The following SLC35F3 variants were observed in gnomAD, a reference collection of about 807,000 sequenced individuals.
The protein encoded by SLC35F3 is putative thiamine transporter SLC35F3.
Under a neutral mutation model 49.9 loss-of-function variants are expected in SLC35F3, and 25 were observed. The ratio of observed to expected loss-of-function variants is 0.50; its 90% CI spans 0.37 to 0.70. The LOEUF (loss-of-function observed/expected upper bound fraction) is 0.70, where lower values mean the gene tolerates loss of function less well. Among genes scored for constraint, SLC35F3 ranks in the 30% least tolerant of loss-of-function variants. The pLI, the probability that SLC35F3 is intolerant of heterozygous loss-of-function variation, is 0.00. For synonymous variants in SLC35F3, 275 were observed against 265.4 expected (o/e 1.04, Z -0.35); for missense variants, 525 against 639.8 (o/e 0.82, Z 1.94).
In SLC35F3 at chr1:234,152,260, A is replaced by G. The variant is rs548940733; in HGVS notation, c.284-79157A>G. Among the ~76,000 whole-genome samples, 1,102 of 149,794 alleles carry G rather than the reference A, an allele frequency of 7.4e-3. 20 individuals carry two copies. Among genetic ancestry groups the G allele is most frequent in the African/African-American group, 0.025 (993 of 40,412 alleles). On this transcript the variant is annotated intron_variant, in intron 2 of 7. Transcript: ENST00000366618. ...TATTATTATTATTATTATACTTTAA[A>G]TTCTGGGATACATGTGCAGAACGTG...
rs1436838909 is a variant in SLC35F3 at position 234,140,157 on chromosome 1, C to T, written c.284-91260C>T. Among the ~76,000 whole-genome samples the T allele has an allele frequency of 7.3e-5, 11 of 151,670 alleles. No homozygotes were observed. In the East Asian group the frequency reaches 1.7e-3, roughly 24 times the overall value. On this transcript the variant is annotated intron_variant, in intron 2 of 7. Coordinates refer to ENST00000366618, the MANE Select transcript of SLC35F3 (RefSeq NM_173508.4). The stretch of plus-strand genomic sequence containing the variant: ...CTGGGCAGGATGGCAGAGATCCTCT[C>T]GCACTACTCAGAACAGAGCACAATT...
At chr1:234,129,595 T>C (rs1400021769) in intron 2 of SLC35F3, among the ~76,000 whole-genome samples, 3 of 152,176 alleles carry the variant, frequency 2.0e-5, no homozygotes, top group African/African-American at 7.2e-5. Flanking sequence ...AGATTCTGAA[T>C]TGAATGTGGA....
At position 234,235,590 on chromosome 1, in the gene SLC35F3, G is replaced by A. The variant is rs527384753; in HGVS notation, c.608+3849G>A. Among the ~76,000 whole-genome samples, 7 of 152,346 alleles carry A rather than the reference G, an allele frequency of 4.6e-5. No homozygotes were observed. The South Asian group carries it at 1.2e-3, about 27-fold the overall frequency. The stretch of plus-strand genomic sequence containing the variant: ...TGGGGCATTTTCAGTCTTGTCCAAA[G>A]GTCTTCCAGGAATTTGCAGCAGTAA... On this transcript the variant is annotated intron_variant, in intron 3 of 7. Coordinates refer to ENST00000366618, the MANE Select transcript of SLC35F3 (RefSeq NM_173508.4).
chr1:234,086,767 T>G (rs1045024719), intron 2 of SLC35F3, among the ~76,000 whole-genome samples: 3 of 152,172 alleles, frequency 2.0e-5, no homozygotes, highest in African/African-American at 7.2e-5. Flanking sequence ...TTCAGGAGGA[T>G]GATGATGTTT....
chr1:234,080,872 C>T (rs925991947), intron 2 of SLC35F3, among the ~76,000 whole-genome samples: 2 of 152,146 alleles, frequency 1.3e-5, no homozygotes, highest in Non-Finnish European at 2.9e-5. Flanking sequence ...ATTCTACAAA[C>T]CAGTGAATCG....
chr1:234,075,539 T>C (rs970255426), intron 2 of SLC35F3, among the ~76,000 whole-genome samples: 3 of 152,238 alleles, frequency 2.0e-5, no homozygotes, highest in Non-Finnish European at 2.9e-5. Context: ...AGATAAAATG[T>C]GTGGGAAGCA....
rs1459100685 is a variant in SLC35F3 at position 234,202,297 on chromosome 1, T to TA, written c.284-29115dup. Reference sequence around the variant, plus strand: ...AATAAAATAAAATAAAACCTTTTTTTAAAAAGGTGTGTGCAAATGCTCAGG... The same window carrying TA: ...AATAAAATAAAATAAAACCTTTTTTTAAAAAAGGTGTGTGCAAATGCTCAGG... On this transcript the variant is annotated intron_variant, in intron 2 of 7. Transcript: ENST00000366618. Among the ~76,000 whole-genome samples the TA allele has an allele frequency of 2.0e-5, 3 of 151,738 alleles. No homozygotes were observed. In the East Asian group the frequency reaches 5.8e-4, roughly 29 times the overall value.
chr1:234,102,183 TG>T (rs1242347288), intron 2 of SLC35F3, among the ~76,000 whole-genome samples: 5 of 152,222 alleles, frequency 3.3e-5, no homozygotes, highest in Admixed American at 6.5e-5. Flanking sequence ...TTTCATCCCC[TG>T]GGACCTCTTT....
At chr1:234,172,160 G>A (rs1437001169) in intron 2 of SLC35F3, among the ~76,000 whole-genome samples, 1 of 152,152 alleles carries the variant, frequency 6.6e-6, no homozygotes, top group Non-Finnish European at 1.5e-5. Flanking sequence ...CTTCTAGCTA[G>A]TCCCTAAGCT....
intron 2 of SLC35F3, among the ~76,000 whole-genome samples, chr1:234,111,990 C>A (rs1025734986): frequency 6.6e-6 from 1 of 152,022 alleles, no homozygotes; most frequent in Non-Finnish European, 1.5e-5. Flanking sequence ...TAAATGCAGG[C>A]CATGCTTTCG....
chr1:234,259,369 A>G (rs954846549), intron 3 of SLC35F3, among the ~76,000 whole-genome samples: 2 of 152,232 alleles, frequency 1.3e-5, no homozygotes, highest in East Asian at 3.8e-4. Flanking sequence ...ATCAACAATA[A>G]TAAGAAAGAA....
At chr1:233,979,079 CAAAAAA>C (rs1185716025) in intron 2 of SLC35F3, among the ~76,000 whole-genome samples, 68 of 149,036 alleles carry the variant, frequency 4.6e-4, no homozygotes, top group Non-Finnish European at 3.9e-4. Context: ...AACAAAAAAA[CAAAAAA>C]GAAAAAGAAA....
intron 2 of SLC35F3, among the ~76,000 whole-genome samples, chr1:233,972,495 T>G (rs777288186): frequency 2.5e-4 from 38 of 152,304 alleles, no homozygotes; most frequent in African/African-American, 4.6e-4. Flanking sequence ...GCAGTGTGAC[T>G]CCTCTCTGTG....
At chr1:234,126,760 A>G (rs982890321) in intron 2 of SLC35F3, among the ~76,000 whole-genome samples, 18 of 152,110 alleles carry the variant, frequency 1.2e-4, no homozygotes, top group African/African-American at 4.3e-4. Context: ...CAGAAGCACA[A>G]TCATAGCTCA....
intron 2 of SLC35F3, among the ~76,000 whole-genome samples, chr1:234,059,616 C>CTACACA (rs1553301510): frequency 1.3e-4 from 18 of 135,362 alleles, no homozygotes; most frequent in African/African-American, 4.4e-4. Flanking sequence ...TAGACATAGA[C>CTACACA]TAGACATAGA....
intron 2 of SLC35F3, among the ~76,000 whole-genome samples, chr1:234,078,107 C>G (rs1664824052): frequency 6.6e-6 from 1 of 152,220 alleles, no homozygotes; most frequent in South Asian, 2.1e-4. Flanking sequence ...CAACTTTCAA[C>G]AAGTCTTGTG....
At chr1:234,265,755 G>A (rs1667969137) in intron 3 of SLC35F3, among the ~76,000 whole-genome samples, 1 of 151,970 alleles carries the variant, frequency 6.6e-6, no homozygotes. Flanking sequence ...CCCCTGTAGT[G>A]CCCCCACCAC....
chr1:233,933,695 G>A (rs998776228), intron 2 of SLC35F3, among the ~76,000 whole-genome samples: 2 of 152,168 alleles, frequency 1.3e-5, no homozygotes, highest in African/African-American at 2.4e-5. Flanking sequence ...TAATAAGTTA[G>A]TTGGGTGTGG....
chr1:234,263,799 C>G (rs1199380331), intron 3 of SLC35F3, among the ~76,000 whole-genome samples: 1 of 152,136 alleles, frequency 6.6e-6, no homozygotes, highest in Non-Finnish European at 1.5e-5. Flanking sequence ...ATTAGAATCA[C>G]CAGGGGAGCT....
Sources: gnomAD v4.1 joint callset for allele counts (sites outside exome capture counted in the v4.1 genomes callset) on GRCh38, gnomAD v4.1.1 for gene constraint, MANE v1.5 for transcripts, NCBI Gene and HGNC (gene_info 2026-07-23, HGNC 2026-07-21) for gene names.